Variants in DAPK2 observed in about 807,000 individuals in gnomAD.
DAPK2 encodes death associated protein kinase 2.
Under a neutral mutation model 44.1 loss-of-function variants are expected in DAPK2, and 35 were observed. The ratio of observed to expected loss-of-function variants is 0.79; its 90% CI spans 0.61 to 1.05. The LOEUF is 1.05. Ranked by LOEUF, DAPK2 falls within the 50% of genes least tolerant of loss-of-function variation. The pLI is 0.00. For missense variants in DAPK2, 453 were observed against 483.2 expected (o/e 0.94, Z 0.59); for synonymous variants, 174 against 182.6 (o/e 0.95, Z 0.38).
At chr15:63,955,287 T>C (rs1311585160) in intron 3 of DAPK2, among the ~76,000 whole-genome samples, 2 of 152,240 alleles carry the variant, frequency 1.3e-5, no homozygotes, top group Non-Finnish European at 2.9e-5. Flanking sequence ...GCAGTGGGTC[T>C]GTTATATACG....
At chr15:63,949,027 C>T (rs2077522091) in intron 3 of DAPK2, among the ~76,000 whole-genome samples, 1 of 152,212 alleles carries the variant, frequency 6.6e-6, no homozygotes, top group African/African-American at 2.4e-5. Flanking sequence ...CTAGCTGATG[C>T]CGGCGTGCCT....
intron 2 of DAPK2, among the ~76,000 whole-genome samples, chr15:63,972,062 T>C (rs2078228900): frequency 6.6e-6 from 1 of 152,230 alleles, no homozygotes; most frequent in Admixed American, 6.5e-5. Flanking sequence ...CCAGAGGGCT[T>C]ACTTTCCCCT....
At chr15:63,915,605 C>A (rs2078906576) in intron 8 of DAPK2, among the ~76,000 whole-genome samples, 1 of 152,186 alleles carries the variant, frequency 6.6e-6, no homozygotes, top group Non-Finnish European at 1.5e-5. Context: ...GAGAATCCCA[C>A]CCTCCTCCTG....
chr15:64,013,007 A>G lies in DAPK2; in HGVS notation c.92+27163T>C, dbSNP rs1370647068. Reference sequence around the variant, plus strand: ...TATAAATTGTATCTTCGATATGATCATAATGTCAAACAGACAAGAAAGAAT... The same window carrying G: ...TATAAATTGTATCTTCGATATGATCGTAATGTCAAACAGACAAGAAAGAAT... On this transcript the variant is annotated intron_variant, in intron 1 of 10. Coordinates refer to ENST00000261891, the Ensembl canonical transcript of DAPK2. This position sits in a 1 kb window ranked among gnomAD's most constrained non-coding sequence, Gnocchi z 4.7. 6.6e-6 allele frequency among the ~76,000 whole-genome samples: 1 copy of G among 152,258 alleles called. No homozygotes were observed. The highest frequency in any genetic ancestry group is 2.4e-5 in the African/African-American group (1 of 41,460).
intron 1 of DAPK2, among the ~76,000 whole-genome samples, chr15:64,019,206 C>T (rs1423940422): frequency 6.6e-6 from 1 of 152,238 alleles, no homozygotes; most frequent in Non-Finnish European, 1.5e-5. Context: ...ACCTGCCCAC[C>T]TCTGGGCCAA....
At chr15:63,957,972 A>G (rs189388829) in intron 3 of DAPK2, among the ~76,000 whole-genome samples, 1 of 152,338 alleles carries the variant, frequency 6.6e-6, no homozygotes, top group Admixed American at 6.5e-5. Flanking sequence ...CAGTCCCACC[A>G]ACGGTGTAAA....
At chr15:63,967,108 A>G (rs1165391411) in intron 3 of DAPK2, among the ~76,000 whole-genome samples, 1 of 152,182 alleles carries the variant, frequency 6.6e-6, no homozygotes, top group African/African-American at 2.4e-5. Flanking sequence ...TGAACCTGGT[A>G]GGTGGAGTTT....
intron 3 of DAPK2, among the ~76,000 whole-genome samples, chr15:63,957,880 T>G (rs568154988): frequency 2.1e-3 from 321 of 152,268 alleles, no homozygotes; most frequent in African/African-American, 7.1e-3. Context: ...CCAGTAATGG[T>G]ATGGCTGGGT....
At chr15:63,974,115 T>C (rs938950297) in intron 2 of DAPK2, among the ~76,000 whole-genome samples, 2 of 152,172 alleles carry the variant, frequency 1.3e-5, no homozygotes, top group Admixed American at 6.5e-5. Flanking sequence ...TTGCTTCCTA[T>C]AGTTGATGTG....
At chr15:63,927,604 CCAG>C (rs2079334753) in intron 6 of DAPK2, among the ~76,000 whole-genome samples, 1 of 152,156 alleles carries the variant, frequency 6.6e-6, no homozygotes, top group Non-Finnish European at 1.5e-5. Context: ...ACAGGGAGCC[CCAG>C]CAAGCAGGGA....
chr15:63,933,971 A>G (rs906939675), intron 4 of DAPK2, among the ~76,000 whole-genome samples: 9 of 152,054 alleles, frequency 5.9e-5, no homozygotes, highest in African/African-American at 2.2e-4. Flanking sequence ...TGAGATACAT[A>G]CACTTTTATT....
chr15:63,989,160 C>G (rs1345560733), intron 1 of DAPK2, among the ~76,000 whole-genome samples: 1 of 146,256 alleles, frequency 6.8e-6, no homozygotes, highest in Non-Finnish European at 1.5e-5. Flanking sequence ...TGCACTGCAG[C>G]CTGGGTGACA....
chr15:64,025,554 C>T (rs188211333), intron 1 of DAPK2, among the ~76,000 whole-genome samples: 7 of 152,204 alleles, frequency 4.6e-5, no homozygotes, highest in African/African-American at 1.7e-4. Flanking sequence ...ATCTTCACCC[C>T]AATTCCATCA....
intron 1 of DAPK2, among the ~76,000 whole-genome samples, chr15:64,031,236 CTTT>C (rs780761441): frequency 2.1e-5 from 3 of 141,796 alleles, no homozygotes; most frequent in African/African-American, 2.6e-5. Context: ...GGCAGATTTT[CTTT>C]TTTTTTTTTT....
chr15:63,928,741 C>T lies in DAPK2; in HGVS notation c.659+810G>A, dbSNP rs529716308. 3.9e-5 allele frequency among the ~76,000 whole-genome samples: 6 copies of T among 152,126 alleles called. No individual in the cohort carries two copies. The East Asian group carries it at 9.7e-4, about 25-fold the overall frequency. ...TAACTCACTACACACTGGAGCTATG[C>T]AGGAAATCTCTGTCTAAGCAACTGA... is the stretch of plus-strand genomic sequence containing the variant. On this transcript the variant is annotated intron_variant, in intron 6 of 10. Coordinates refer to ENST00000261891, the Ensembl canonical transcript of DAPK2.
At chr15:63,971,311 AAG>A (rs2078205409) in intron 3 of DAPK2, 110 bp downstream of exon 4, 1 of 1,310,726 alleles carries the variant, frequency 7.6e-7, no homozygotes, top group African/African-American at 1.5e-5. Context: ...TTTTCACTGT[AAG>A]ATGAGAAAGA....
chr15:63,942,345 C>G (rs977093141), intron 3 of DAPK2: 2 of 547,608 alleles, frequency 3.7e-6, no homozygotes, highest in Non-Finnish European at 4.6e-6. Flanking sequence ...TGAGGTCAGG[C>G]GTTCGAGACC....
chr15:63,933,275 C>A (rs905703411), intron 4 of DAPK2, among the ~76,000 whole-genome samples: 2 of 152,188 alleles, frequency 1.3e-5, no homozygotes, highest in African/African-American at 4.8e-5. Flanking sequence ...CAGAGTTTCA[C>A]TCTTTTTGCC....
intron 1 of DAPK2, among the ~76,000 whole-genome samples, chr15:64,006,921 G>A (rs1050219306): frequency 6.6e-6 from 1 of 152,122 alleles, no homozygotes; most frequent in Non-Finnish European, 1.5e-5. Context: ...CACCCATAGG[G>A]AGCCCGACTC....
Sources: gnomAD v4.1 joint callset for allele counts (sites outside exome capture counted in the v4.1 genomes callset) on GRCh38, gnomAD v4.1.1 for gene constraint, Gnocchi (gnomAD v3.1) non-coding constraint, MANE v1.5 for transcripts, NCBI Gene and HGNC (gene_info 2026-07-23, HGNC 2026-07-21) for gene names.